Variants in PITPNM2 observed in about 807,000 individuals in gnomAD.
PITPNM2 encodes the protein phosphatidylinositol transfer protein membrane associated 2, also known as membrane-associated phosphatidylinositol transfer protein 2.
PITPNM2 carries 35 observed loss-of-function variants against 132.2 expected under a neutral mutation model. The ratio of observed to expected loss-of-function variants is 0.26; its 90% CI spans 0.20 to 0.35. The LOEUF (loss-of-function observed/expected upper bound fraction) is 0.35. Ranked by LOEUF, PITPNM2 falls within the 10% of genes least tolerant of loss-of-function variation. The pLI, the probability that PITPNM2 is intolerant of heterozygous loss-of-function variation, is 1.00. For missense variants in PITPNM2, 1,332 were observed against 1,912.0 expected (o/e 0.70, Z 5.66); for synonymous variants, 738 against 799.2 (o/e 0.92, Z 1.29).
chr12:123,001,304 T>C lies in PITPNM2; in HGVS notation c.1049-146A>G, dbSNP rs989900938. Reference sequence around the variant, plus strand: ...CAGCCCCACACCTTGGGCATCTTCCTGACCATTACAAAAAATAGTGGTAAC... The same window carrying C: ...CAGCCCCACACCTTGGGCATCTTCCCGACCATTACAAAAAATAGTGGTAAC... On this transcript the variant is annotated intron_variant, in intron 8 of 25. Coordinates refer to ENST00000320201, the MANE Select transcript of PITPNM2 (RefSeq NM_020845.3). 4.0e-5 allele frequency: 25 copies of C among 626,240 alleles called. No individual in the cohort carries two copies. The African/African-American group carries it at 4.4e-4, about 11-fold the overall frequency. The allele number at this position is 626,240 out of a possible 1,614,324, so 38.8% of individuals were successfully genotyped here.
In PITPNM2 at chr12:123,004,308, G is replaced by T; in HGVS notation, c.1048+86C>A. 7.8e-7 allele frequency: 1 copy of T among 1,280,902 alleles called. No individual in the cohort carries two copies. 79.3% of individuals were successfully genotyped at this position (1,280,902 alleles called of 1,614,324 possible). On this transcript the variant is annotated intron_variant, in intron 8 of 25. Transcript: ENST00000320201. The surrounding 1 kb of genome is among the most constrained non-coding windows in gnomAD (Gnocchi z 4.9). Reference sequence around the variant, plus strand: ...ATAGTAACAGGCAACACCCGCATCAGTCCACACCCACACCCTAAGCCCTTT... The same window carrying T: ...ATAGTAACAGGCAACACCCGCATCATTCCACACCCACACCCTAAGCCCTTT...
Position 123,150,767 on chromosome 12 carries a change from C to G in PITPNM2, c.-214G>C, listed in dbSNP as rs113583564. Among the ~76,000 whole-genome samples, 3,021 of 149,666 alleles carry G rather than the reference C, an allele frequency of 0.02. 40 individuals carry two copies. Among genetic ancestry groups the G allele is most frequent in the Non-Finnish European group, 0.032 (2,115 of 67,138 alleles). On this transcript the variant is annotated 5_prime_UTR_variant, in exon 1 of 26. Coordinates refer to ENST00000320201, the MANE Select transcript of PITPNM2 (RefSeq NM_020845.3). This position sits in a 1 kb window ranked among gnomAD's most constrained non-coding sequence, Gnocchi z 6.0. ...GACGCACTCACCCCGCTCGGCGCGG[C>G]CGCGGGCTCTGTCCTCTTCGGGGCC... is the stretch of plus-strand genomic sequence containing the variant.
rs73411033 is a variant in PITPNM2, at chr12:123,000,498, C to T, written c.1224+280G>A. On this transcript the variant is annotated intron_variant, in intron 10 of 25. Coordinates refer to ENST00000320201, the MANE Select transcript of PITPNM2 (RefSeq NM_020845.3). The surrounding 1 kb of genome is among the most constrained non-coding windows in gnomAD (Gnocchi z 5.4). The stretch of plus-strand genomic sequence containing the variant: ...TTTGATCTGGAATTTACAAGTTTCT[C>T]ATTTTACTTTCCCATGGGTGGAGCT... 0.014 allele frequency: 9,862 copies of T among 702,092 alleles called. 623 individuals are homozygous for T. In the African/African-American group the frequency reaches 0.14, roughly 10 times the overall value. 43.5% of individuals were successfully genotyped at this position (702,092 alleles called of 1,614,324 possible).
At position 122,984,667 on chromosome 12, in the gene PITPNM2, A is replaced by G. The variant is rs754239950; in HGVS notation, c.*1360T>C. 6 of 152,178 alleles carry G rather than the reference A, an allele frequency of 3.9e-5. No individual in the cohort carries two copies. The highest frequency in any genetic ancestry group is 7.3e-5 in the Non-Finnish European group (5 of 68,064). 9.4% of individuals were successfully genotyped at this position (152,178 alleles called of 1,614,324 possible). On this transcript the variant is annotated 3_prime_UTR_variant, in exon 26 of 26. Transcript: ENST00000320201. ...TCTGTGCACCTCCCCAGCCCGGTCC[A>G]TGCGTCCCAACACCAGACCCAGGTC...
At position 123,031,682 on chromosome 12, in the gene PITPNM2, G is replaced by T. The variant is rs1304370374; in HGVS notation, c.78+2831C>A. Among the ~76,000 whole-genome samples the T allele has an allele frequency of 3.9e-5, 6 of 152,184 alleles. No individual in the cohort carries two copies. The highest frequency in any genetic ancestry group is 6.5e-5 in the Admixed American group (1 of 15,286). On this transcript the variant is annotated intron_variant, in intron 3 of 25. Coordinates refer to ENST00000320201, the MANE Select transcript of PITPNM2 (RefSeq NM_020845.3). This position sits in a 1 kb window ranked among gnomAD's most constrained non-coding sequence, Gnocchi z 4.5. ...GGCCTGCCCAGAGGAGAGCTGCCCA[G>T]CCAGCCAGCCTGAGCAGGAACACCA... is the stretch of plus-strand genomic sequence containing the variant.
At chr12:122,997,694 CCA>C in intron 10 of PITPNM2, 122 bp from the exon 11 acceptor site, 7 of 1,386,194 alleles carry the variant, frequency 5.0e-6, no homozygotes, top group African/African-American at 1.4e-5. Flanking sequence ...TCTGAGAACC[CCA>C]GTTTTGGTTA....
intron 1 of PITPNM2, among the ~76,000 whole-genome samples, chr12:123,112,573 C>G (rs2042860384): frequency 6.9e-6 from 1 of 145,462 alleles, no homozygotes; most frequent in Admixed American, 7.0e-5. Context: ...GAGTCTTGCT[C>G]TGTCACCCAG....
intron 18 of PITPNM2, among the ~76,000 whole-genome samples, chr12:122,989,243 G>A (rs2038078693): frequency 6.6e-6 from 1 of 152,102 alleles, no homozygotes; most frequent in Admixed American, 6.6e-5. Context: ...CTTCCCCCAG[G>A]CCTCAAGGCT....
chr12:122,990,512 G>C (rs1157289664), intron 17 of PITPNM2, 33 bp downstream of exon 17: 5 of 1,609,618 alleles, frequency 3.1e-6, no homozygotes, highest in Non-Finnish European at 3.4e-6. Context: ...GGCCCTGGCT[G>C]AGTGAGGAGG....
chr12:123,057,262 C>A (rs2041062637), intron 2 of PITPNM2, among the ~76,000 whole-genome samples: 2 of 151,876 alleles, frequency 1.3e-5, no homozygotes, highest in African/African-American at 4.8e-5. Flanking sequence ...TGCCTGTAAT[C>A]CCAACTACTC....
Position 122,989,808 on chromosome 12 carries a change from G to A in PITPNM2, c.2710C>T (p.Pro904Ser), listed in dbSNP as rs1293859603. The A allele has an allele frequency of 1.4e-6, 2 of 1,407,140 alleles. No individual in the cohort carries two copies. The highest frequency in any genetic ancestry group is 9.3e-7 in the Non-Finnish European group (1 of 1,077,314). The allele number at this position is 1,407,140 out of a possible 1,614,324, so 87.2% of individuals were successfully genotyped here. ...SPGLERAPGL[P>S]ELDIGEVAAK... ...GTACCTTCTCCAATGTCCAGCTCAG[G>A]GAGGCCAGGGGCCCTCTCCAGGCCA... Residue 904 changes from proline to serine, a missense_variant, in exon 18 of 26, where the codon CCT (proline) becomes TCT (serine). Physicochemically the swap from Pro to Ser is moderately conservative, Grantham distance 74 (BLOSUM62 -1). Transcript: ENST00000320201.
chr12:123,018,928 C>T (rs1476880162), intron 3 of PITPNM2, among the ~76,000 whole-genome samples: 2 of 151,670 alleles, frequency 1.3e-5, no homozygotes, highest in Admixed American at 6.6e-5. Context: ...GGATTACAGG[C>T]GTGTGCCACC....
In PITPNM2 at chr12:122,986,009, C is replaced by G; in HGVS notation, c.*18G>C. ...CTGGCCTAGCACCATGGAGACCCCGCGCTGCACTCACGGTGCCCTACTTGG... is the reference window on the plus strand; with the variant it reads ...CTGGCCTAGCACCATGGAGACCCCGGGCTGCACTCACGGTGCCCTACTTGG... On this transcript the variant is annotated 3_prime_UTR_variant, in exon 26 of 26. Coordinates refer to ENST00000320201, the MANE Select transcript of PITPNM2 (RefSeq NM_020845.3). 1 of 1,390,624 alleles carries G rather than the reference C, an allele frequency of 7.2e-7. No individual in the cohort carries two copies. Among genetic ancestry groups the G allele is most frequent in the East Asian group, 3.0e-5 (1 of 33,768 alleles). The allele number at this position is 1,390,624 out of a possible 1,614,324, so 86.1% of individuals were successfully genotyped here.
At chr12:123,012,379 C>T (rs997766879) in intron 5 of PITPNM2, among the ~76,000 whole-genome samples, 5 of 152,162 alleles carry the variant, frequency 3.3e-5, no homozygotes, top group African/African-American at 1.2e-4. Flanking sequence ...TGGAGGGAAG[C>T]AGCTCTGGGT....
At chr12:123,151,205 C>T (rs2043742488), upstream of PITPNM2, among the ~76,000 whole-genome samples, 2 of 148,776 alleles carry the variant, frequency 1.3e-5, no homozygotes, top group Non-Finnish European at 3.0e-5. Flanking sequence ...AGTCTCGGCC[C>T]GGCCCCGCCG....
intron 2 of PITPNM2, among the ~76,000 whole-genome samples, chr12:123,053,300 G>T (rs2040921624): frequency 6.6e-6 from 1 of 152,082 alleles, no homozygotes; most frequent in South Asian, 2.1e-4. Context: ...ATTTTCCTTT[G>T]AGTACTGATT....
At position 123,000,894 on chromosome 12, in the gene PITPNM2, C is replaced by G. The variant is rs780108885; in HGVS notation, c.1154-46G>C. 6.2e-7 allele frequency: 1 copy of G among 1,608,776 alleles called. No individual in the cohort carries two copies. The highest frequency in any genetic ancestry group is 1.3e-5 in the African/African-American group (1 of 74,810). On this transcript the variant is annotated intron_variant, in intron 9 of 25. Transcript: ENST00000320201. The surrounding 1 kb of genome is among the most constrained non-coding windows in gnomAD (Gnocchi z 5.4). ...TGCTGTGAGCTGAGGGGCAGCCCAA[C>G]CTGGCCGACCGGACAGAGGCTGCAA... is the stretch of plus-strand genomic sequence containing the variant.
rs563344380 is a variant in PITPNM2 at position 123,036,855 on chromosome 12, C to T, written c.-95-2170G>A. ...AGGACTCTTGCTAGGAGGGGCTTCC[C>T]CTCTCCTGCGACCTGTCCACCAGCC... On this transcript the variant is annotated intron_variant, in intron 2 of 25. Transcript: ENST00000320201. The surrounding 1 kb of genome is among the most constrained non-coding windows in gnomAD (Gnocchi z 4.1). Among the ~76,000 whole-genome samples the T allele has an allele frequency of 1.3e-5, 2 of 152,342 alleles. No individual in the cohort carries two copies. Among genetic ancestry groups the T allele is most frequent in the South Asian group, 2.1e-4 (1 of 4,828 alleles).
chr12:123,049,500 C>G (rs2040788060), intron 2 of PITPNM2, among the ~76,000 whole-genome samples: 1 of 152,228 alleles, frequency 6.6e-6, no homozygotes. Context: ...GCTCTCCATT[C>G]CAGCTGCTGC....
Sources: allele counts gnomAD v4.1 joint callset (sites outside exome capture counted in the v4.1 genomes callset), GRCh38; gene constraint gnomAD v4.1.1; non-coding constraint Gnocchi (gnomAD v3.1); transcripts MANE v1.5; gene names NCBI Gene and HGNC (gene_info 2026-07-23, HGNC 2026-07-21).